Variants in THSD4 observed in about 807,000 individuals in gnomAD.
THSD4 encodes the protein thrombospondin type 1 domain containing 4, also known as thrombospondin type-1 domain-containing protein 4.
In THSD4, 69 loss-of-function variants were observed where a neutral mutation model predicts 119.0. The ratio of observed to expected loss-of-function variants is 0.58; its 90% CI spans 0.48 to 0.71. The LOEUF (loss-of-function observed/expected upper bound fraction) is 0.71. Among genes scored for constraint, THSD4 ranks in the 30% least tolerant of loss-of-function variants. The probability of loss-of-function intolerance (pLI) is 0.00; values close to 1 mark genes in which losing one functional copy is unlikely to be tolerated. For synonymous variants in THSD4, 524 were observed against 540.4 expected, an observed-to-expected ratio of 0.97 and a Z score of 0.42; for missense variants, 1,393 against 1,391.1, an observed-to-expected ratio of 1.00 and a Z score of -0.02.
At chr15:71,666,100 G>A (rs2051412717) in intron 8 of THSD4, among the ~76,000 whole-genome samples, 1 of 152,244 alleles carries the variant, frequency 6.6e-6, no homozygotes, top group South Asian at 2.1e-4. Flanking sequence ...GGGCAGTATA[G>A]CCATTTTAAT....
At chr15:71,541,826 G>T (rs1231604370) in intron 7 of THSD4, among the ~76,000 whole-genome samples, 1 of 152,212 alleles carries the variant, frequency 6.6e-6, no homozygotes, top group Non-Finnish European at 1.5e-5. Context: ...GAGAAAGGGA[G>T]TACCAGGAAA....
chr15:71,112,255 G>T, upstream of THSD4: 8 of 1,594,974 alleles, frequency 5.0e-6, no homozygotes, highest in Non-Finnish European at 6.8e-6. Context: ...GGTGGTGACA[G>T]TCTTCTATAG....
chr15:71,609,179 A>AG (rs1358903325), intron 7 of THSD4, among the ~76,000 whole-genome samples: 3 of 151,696 alleles, frequency 2.0e-5, no homozygotes, highest in Admixed American at 6.6e-5. Context: ...ATGTGAAGAC[A>AG]GGGGAAAAAA....
intron 1 of THSD4, among the ~76,000 whole-genome samples, chr15:71,140,635 C>T (rs2040593789): frequency 6.6e-6 from 1 of 152,124 alleles, no homozygotes; most frequent in East Asian, 1.9e-4. Context: ...ATGTCACATG[C>T]GTTCCCTCAT....
intron 6 of THSD4, among the ~76,000 whole-genome samples, chr15:71,360,016 G>A (rs2045871155): frequency 6.6e-6 from 1 of 152,138 alleles, no homozygotes; most frequent in Non-Finnish European, 1.5e-5. Context: ...ATCTTTCGTG[G>A]TTCTGGAGGT....
At chr15:71,550,004 C>T (rs2048902291) in intron 7 of THSD4, among the ~76,000 whole-genome samples, 2 of 152,222 alleles carry the variant, frequency 1.3e-5, no homozygotes, top group South Asian at 4.1e-4. Context: ...GGAGGACAGA[C>T]ACAGAAAAGA....
At chr15:71,623,056 G>A (rs60102999) in intron 7 of THSD4, among the ~76,000 whole-genome samples, 5,067 of 152,106 alleles carry the variant, frequency 0.033, 313 homozygotes, top group African/African-American at 0.12. Context: ...GTAATCAGGA[G>A]TCCCTGAAAA....
At chr15:71,532,155 C>T (rs569509230) in intron 7 of THSD4, among the ~76,000 whole-genome samples, 5 of 152,120 alleles carry the variant, frequency 3.3e-5, no homozygotes, top group East Asian at 3.9e-4. Context: ...ACCTTTGGTG[C>T]TTATTCTATA....
chr15:71,138,149 C>A (rs747663919), intron 1 of THSD4, among the ~76,000 whole-genome samples: 88 of 152,160 alleles, frequency 5.8e-4, no homozygotes, highest in Non-Finnish European at 8.8e-5. Context: ...ACTCATAGTT[C>A]TGCATGGCTG....
intron 7 of THSD4, among the ~76,000 whole-genome samples, chr15:71,629,840 G>A (rs1317667867): frequency 6.6e-6 from 1 of 152,164 alleles, no homozygotes; most frequent in Non-Finnish European, 1.5e-5. Context: ...TGCGTGGTTT[G>A]CAACCTCAGC....
At chr15:71,151,699 T>G (rs1171921839) in intron 2 of THSD4, among the ~76,000 whole-genome samples, 1 of 152,218 alleles carries the variant, frequency 6.6e-6, no homozygotes, top group Non-Finnish European at 1.5e-5. Context: ...TTGCCACCAC[T>G]GTCTGGGAAC....
chr15:71,627,944 A>G (rs2050540901), intron 7 of THSD4, among the ~76,000 whole-genome samples: 1 of 152,230 alleles, frequency 6.6e-6, no homozygotes, highest in Non-Finnish European at 1.5e-5. Flanking sequence ...TCACATATGG[A>G]CAACCTGATA....
intron 5 of THSD4, among the ~76,000 whole-genome samples, chr15:71,245,829 GC>G (rs1254182435): frequency 6.6e-6 from 1 of 152,166 alleles, no homozygotes; most frequent in Non-Finnish European, 1.5e-5. Flanking sequence ...GGTGAGAACT[GC>G]CCTGAAATCC....
intron 7 of THSD4, among the ~76,000 whole-genome samples, chr15:71,448,960 A>G (rs1326862308): frequency 6.6e-6 from 1 of 152,194 alleles, no homozygotes; most frequent in African/African-American, 2.4e-5. Context: ...CTGGCTGTAA[A>G]CACATTTCAT....
rs1320899505 is a variant in THSD4, at chr15:71,424,350, G to C, written c.1152+12527G>C. Among the ~76,000 whole-genome samples, 7 of 152,142 alleles carry C rather than the reference G, an allele frequency of 4.6e-5. No individual in the cohort carries two copies. In the East Asian group the frequency reaches 1.3e-3, roughly 29 times the overall value. On this transcript the variant is annotated intron_variant, in intron 7 of 17. Coordinates refer to ENST00000261862, the MANE Select transcript of THSD4 (RefSeq NM_024817.3). ...ACCTTGGGGAGGGTTGGGGAACAGA[G>C]AAAATTGGGGTTGATGTCTACTCCC...
intron 7 of THSD4, among the ~76,000 whole-genome samples, chr15:71,630,245 C>T (rs1012881611): frequency 2.6e-5 from 4 of 152,130 alleles, no homozygotes; most frequent in Non-Finnish European, 4.4e-5. Flanking sequence ...AAATGGATGA[C>T]CACATGGCTA....
chr15:71,301,799 T>C (rs1331997258), intron 6 of THSD4, among the ~76,000 whole-genome samples: 2 of 152,254 alleles, frequency 1.3e-5, no homozygotes, highest in African/African-American at 2.4e-5. Context: ...ATATCCTGCC[T>C]GGATACCTCA....
intron 7 of THSD4, among the ~76,000 whole-genome samples, chr15:71,542,055 AT>A (rs1555424885): frequency 6.6e-6 from 1 of 152,250 alleles, no homozygotes; most frequent in Non-Finnish European, 1.5e-5. Context: ...AGGAGTAAAA[AT>A]AAATGTTTGA....
intron 8 of THSD4, among the ~76,000 whole-genome samples, chr15:71,669,519 G>A (rs1323716515): frequency 6.6e-6 from 1 of 151,786 alleles, no homozygotes. Context: ...GTGGCTGTTG[G>A]TTTTCTGACA....
Sources: gnomAD v4.1 joint callset for allele counts (sites outside exome capture counted in the v4.1 genomes callset) on GRCh38, gnomAD v4.1.1 for gene constraint, MANE v1.5 for transcripts, NCBI Gene and HGNC (gene_info 2026-07-23, HGNC 2026-07-21) for gene names.